Variants in AP2M1 observed in about 807,000 individuals in gnomAD.
AP2M1 encodes the protein AP-2 complex subunit mu.
A neutral mutation model predicts 54.5 loss-of-function variants in AP2M1; 5 were observed. The ratio of observed to expected loss-of-function variants is 0.09; its 90% CI spans 0.05 to 0.19. The LOEUF is 0.19. Ranked by LOEUF, AP2M1 falls within the 10% of genes least tolerant of loss-of-function variation. AP2M1 has a pLI of 1.00. For synonymous variants in AP2M1, 186 were observed against 208.2 expected (o/e 0.89, Z 0.92); for missense variants, 178 against 580.2 (o/e 0.31, Z 7.12).
rs750144318 is a variant in AP2M1 at position 184,183,451 on chromosome 3, G to C, written c.1174-31G>C. On this transcript the variant is annotated intron_variant, in intron 11 of 11. Transcript: ENST00000292807. This position sits in a 1 kb window ranked among gnomAD's most constrained non-coding sequence, Gnocchi z 5.7. ...AGAGGAGAGCGGCTGTAAGAGGAAG[G>C]CCACATTTCTAACTAGCTCTCCTTG... The C allele has an allele frequency of 1.2e-6, 2 of 1,613,414 alleles. No homozygotes were observed. Among genetic ancestry groups the C allele is most frequent in the Non-Finnish European group, 1.7e-6 (2 of 1,179,756 alleles).
In AP2M1 at chr3:184,183,660, A is replaced by G; in HGVS notation, c.*44A>G. On this transcript the variant is annotated 3_prime_UTR_variant, in exon 12 of 12. Coordinates refer to ENST00000292807, the MANE Select transcript of AP2M1 (RefSeq NM_004068.4). This position sits in a 1 kb window ranked among gnomAD's most constrained non-coding sequence, Gnocchi z 5.7. ...CCCACCTCCCCAGCCACCCTCCTCC[A>G]CAGGTCCAGGTGCCGCTCCCTCCCC... The G allele has an allele frequency of 6.2e-7, 1 of 1,604,484 alleles. No individual in the cohort carries two copies.
In AP2M1 at chr3:184,179,128, G is replaced by C; in HGVS notation, c.340+6G>C. On this transcript the variant is annotated splice_donor_region_variant and intron_variant, in intron 3 of 11. Transcript: ENST00000292807. ...CATATATGAGCTGCTGGATGGTGAG[G>C]CTGGCGGGCTGGCACGGCAGCGGGC... 6.2e-7 allele frequency: 1 copy of C among 1,610,106 alleles called. No homozygotes were observed. Among genetic ancestry groups the C allele is most frequent in the South Asian group, 1.1e-5 (1 of 91,010 alleles).
chr3:184,178,754 C>T lies in AP2M1; in HGVS notation c.75-103C>T, dbSNP rs1715170129. ...CTTTCTTTGGAGTGTGTGTGTCAGA[C>T]TTCTGCAGAAAGGAGGGTGGGGCTG... On this transcript the variant is annotated intron_variant, in intron 2 of 11. Coordinates refer to ENST00000292807, the MANE Select transcript of AP2M1 (RefSeq NM_004068.4). The surrounding 1 kb of genome is among the most constrained non-coding windows in gnomAD (Gnocchi z 4.9). The T allele has an allele frequency of 3.5e-6, 5 of 1,426,846 alleles. No homozygotes were observed. Among genetic ancestry groups the T allele is most frequent in the Non-Finnish European group, 4.8e-6 (5 of 1,046,228 alleles). 88.4% of individuals were successfully genotyped at this position (1,426,846 alleles called of 1,614,324 possible). A position where few individuals can be genotyped will look rare whatever the true frequency, so the allele number is the denominator to read the frequency against.
Position 184,182,306 on chromosome 3 carries a change from T to C in AP2M1, c.1061+58T>C. On this transcript the variant is annotated intron_variant, in intron 10 of 11. Transcript: ENST00000292807. This position sits in a 1 kb window ranked among gnomAD's most constrained non-coding sequence, Gnocchi z 5.5. ...CTCAAGATCCCAGTATACCCTCTTG[T>C]TTTCAGCTTTGATCCTTCTGAATGA... 1 of 1,554,592 alleles carries C rather than the reference T, an allele frequency of 6.4e-7. No individual in the cohort carries two copies. Among genetic ancestry groups the C allele is most frequent in the Non-Finnish European group, 8.7e-7 (1 of 1,143,310 alleles).
Position 184,183,068 on chromosome 3 carries a change from T to G in AP2M1, c.1173+200T>G, listed in dbSNP as rs1478016551. 73 of 639,902 alleles carry G rather than the reference T, an allele frequency of 1.1e-4. No individual in the cohort carries two copies. Among genetic ancestry groups the G allele is most frequent in the Non-Finnish European group, 3.1e-5 (11 of 352,938 alleles). 39.6% of individuals were successfully genotyped at this position (639,902 alleles called of 1,614,324 possible). A position where few individuals can be genotyped will look rare whatever the true frequency, so the allele number is the denominator to read the frequency against. On this transcript the variant is annotated intron_variant, in intron 11 of 11. Coordinates refer to ENST00000292807, the MANE Select transcript of AP2M1 (RefSeq NM_004068.4). The surrounding 1 kb of genome is among the most constrained non-coding windows in gnomAD (Gnocchi z 5.7). ...TTTGTGATGAGGCAAATCTTTTACTTCTCTCGGCTTGTCCTAACACAGTTC... is the reference window on the plus strand; with the variant it reads ...TTTGTGATGAGGCAAATCTTTTACTGCTCTCGGCTTGTCCTAACACAGTTC...
At position 184,179,091 on chromosome 3, in the gene AP2M1, C is replaced by T; in HGVS notation, c.309C>T (p.Asn103=). 1 of 1,613,988 alleles carries T rather than the reference C, an allele frequency of 6.2e-7. No homozygotes were observed. The highest frequency in any genetic ancestry group is 8.5e-7 in the Non-Finnish European group (1 of 1,179,976). Residue 103 remains asparagine (N), a synonymous_variant, in exon 3 of 12, where the codon AAC becomes AAT. Transcript: ENST00000292807. ...AGATCAGCGAGGAAAACATCAAGAA[C>T]AATTTTGTGCTCATATATGAGCTGC... is the stretch of plus-strand genomic sequence containing the variant. ...FGKISEENIK[N]NFVLIYELLD...
chr3:184,178,292 T>C lies in AP2M1; in HGVS notation c.75-565T>C, dbSNP rs1406751790. Reference sequence around the variant, plus strand: ...GGCCTGCCCCCATCGTTTTCCTGCATCCTTTTTCATTCCCTCAACTTGCTC... The same window carrying C: ...GGCCTGCCCCCATCGTTTTCCTGCACCCTTTTTCATTCCCTCAACTTGCTC... On this transcript the variant is annotated intron_variant, in intron 2 of 11. Coordinates refer to ENST00000292807, the MANE Select transcript of AP2M1 (RefSeq NM_004068.4). This position sits in a 1 kb window ranked among gnomAD's most constrained non-coding sequence, Gnocchi z 4.9. The C allele has an allele frequency of 6.7e-7, 1 of 1,495,458 alleles. No homozygotes were observed. The highest frequency in any genetic ancestry group is 1.4e-5 in the African/African-American group (1 of 72,112). The allele number at this position is 1,495,458 out of a possible 1,614,324, so 92.6% of individuals were successfully genotyped here.
intron 2 of AP2M1, 149 bp downstream of exon 2, chr3:184,177,216 C>T (rs1715102922): frequency 1.2e-6 from 1 of 818,648 alleles, no homozygotes; most frequent in Non-Finnish European, 1.9e-6. Context: ...TAGCCTGGCT[C>T]CCATTAGGTC....
chr3:184,183,471 T>C lies in AP2M1; in HGVS notation c.1174-11T>C. 6.2e-7 allele frequency: 1 copy of C among 1,614,092 alleles called. No homozygotes were observed. Among genetic ancestry groups the C allele is most frequent in the Non-Finnish European group, 8.5e-7 (1 of 1,180,014 alleles). On this transcript the variant is annotated splice_polypyrimidine_tract_variant and intron_variant, in intron 11 of 11. Transcript: ENST00000292807. The surrounding 1 kb of genome is among the most constrained non-coding windows in gnomAD (Gnocchi z 5.7). Reference sequence around the variant, plus strand: ...GGAAGGCCACATTTCTAACTAGCTCTCCTTGCCCAGGTGCCATTCGCGCCC... The same window carrying C: ...GGAAGGCCACATTTCTAACTAGCTCCCCTTGCCCAGGTGCCATTCGCGCCC...
Position 184,177,029 on chromosome 3 carries a change from G to A in AP2M1, c.36G>A (p.Gly12=), listed in dbSNP as rs1322170364. The A allele has an allele frequency of 3.1e-6, 5 of 1,613,920 alleles. No individual in the cohort carries two copies. The highest frequency in any genetic ancestry group is 2.2e-5 in the East Asian group (1 of 44,868). Reference sequence around the variant, plus strand: ...GCTTATTCATCTATAATCACAAGGGGGAGGTGCTCATCTCCCGAGTCTACC... The same window carrying A: ...GCTTATTCATCTATAATCACAAGGGAGAGGTGCTCATCTCCCGAGTCTACC... The part of the protein sequence containing the change: ...IGGLFIYNHK[G]EVLISRVYRD... Residue 12 remains glycine, a synonymous_variant, in exon 2 of 12, where the codon GGG becomes GGA. Coordinates refer to ENST00000292807, the MANE Select transcript of AP2M1 (RefSeq NM_004068.4).
chr3:184,183,442 A>G lies in AP2M1; in HGVS notation c.1174-40A>G. The G allele has an allele frequency of 6.2e-7, 1 of 1,612,646 alleles. No homozygotes were observed. The highest frequency in any genetic ancestry group is 1.3e-5 in the African/African-American group (1 of 75,022). On this transcript the variant is annotated intron_variant, in intron 11 of 11. Transcript: ENST00000292807. The surrounding 1 kb of genome is among the most constrained non-coding windows in gnomAD (Gnocchi z 5.7). ...GGACTTCCCAGAGGAGAGCGGCTGT[A>G]AGAGGAAGGCCACATTTCTAACTAG...
rs1282982213 is a variant in AP2M1, at chr3:184,183,491, G to A, written c.1183G>A (p.Ala395Thr). The A allele has an allele frequency of 6.2e-7, 1 of 1,614,122 alleles. No homozygotes were observed. Among genetic ancestry groups the A allele is most frequent in the Non-Finnish European group, 8.5e-7 (1 of 1,180,004 alleles). The change falls in exon 12 of 12, where the codon GCG becomes ACG. Residue 395 changes from alanine to threonine, a missense_variant. Transcript: ENST00000292807. This position sits in a 1 kb window ranked among gnomAD's most constrained non-coding sequence, Gnocchi z 5.7. ...AGCTCTCCTTGCCCAGGTGCCATTC[G>A]CGCCCTCTGGCCTCAAGGTGCGCTA... ...PISMNFEVPF[A>T]PSGLKVRYLK...
chr3:184,182,411 T>C lies in AP2M1; in HGVS notation c.1061+163T>C. The stretch of plus-strand genomic sequence containing the variant: ...GTCTTTATACCTCCATGTGAGTATG[T>C]ACACGCCTGCATTTGGGTTCATGCA... On this transcript the variant is annotated intron_variant, in intron 10 of 11. Coordinates refer to ENST00000292807, the MANE Select transcript of AP2M1 (RefSeq NM_004068.4). This position sits in a 1 kb window ranked among gnomAD's most constrained non-coding sequence, Gnocchi z 5.5. 2.8e-6 allele frequency: 2 copies of C among 726,462 alleles called. No individual in the cohort carries two copies. The highest frequency in any genetic ancestry group is 4.5e-6 in the Non-Finnish European group (2 of 448,756). 45.0% of individuals were successfully genotyped at this position (726,462 alleles called of 1,614,324 possible).
chr3:184,181,790 C>T lies in AP2M1; in HGVS notation c.802C>T (p.Pro268Ser). 6.2e-7 allele frequency: 1 copy of T among 1,614,170 alleles called. No homozygotes were observed. Among genetic ancestry groups the T allele is most frequent in the Non-Finnish European group, 8.5e-7 (1 of 1,180,034 alleles). The change falls in exon 8 of 12, where the codon CCA becomes TCA. Residue 268 changes from proline (P) to serine (S), a missense_variant. Coordinates refer to ENST00000292807, the MANE Select transcript of AP2M1 (RefSeq NM_004068.4). The surrounding 1 kb of genome is among the most constrained non-coding windows in gnomAD (Gnocchi z 5.7). The stretch of plus-strand genomic sequence containing the variant: ...TGAACGCAGCATCAGCTTTATCCCG[C>T]CAGATGGAGAGTTTGAGCTTATGAG... ...DSERSISFIPPDGEFELMRYR... is the reference protein window; with the variant it reads ...DSERSISFIPSDGEFELMRYR...
chr3:184,183,348 G>A lies in AP2M1; in HGVS notation c.1174-134G>A, dbSNP rs1380348257. 49 of 1,383,004 alleles carry A rather than the reference G, an allele frequency of 3.5e-5. No homozygotes were observed. Among genetic ancestry groups the A allele is most frequent in the Admixed American group, 4.4e-5 (2 of 45,256 alleles). 85.7% of individuals were successfully genotyped at this position (1,383,004 alleles called of 1,614,324 possible). A position where few individuals can be genotyped will look rare whatever the true frequency, so the allele number is the denominator to read the frequency against. ...GTCACCTCTTAGAAGGTCCCACGCC[G>A]CCCCAGCTTCTTTCAGGACCCCAGC... On this transcript the variant is annotated intron_variant, in intron 11 of 11. Transcript: ENST00000292807. The surrounding 1 kb of genome is among the most constrained non-coding windows in gnomAD (Gnocchi z 5.7).
In AP2M1 at chr3:184,182,351, G is replaced by T; in HGVS notation, c.1061+103G>T. The T allele has an allele frequency of 1.5e-6, 2 of 1,299,486 alleles. No individual in the cohort carries two copies. Among genetic ancestry groups the T allele is most frequent in the Admixed American group, 4.9e-5 (2 of 40,632 alleles). 80.5% of individuals were successfully genotyped at this position (1,299,486 alleles called of 1,614,324 possible). A position where few individuals can be genotyped will look rare whatever the true frequency, so the allele number is the denominator to read the frequency against. Reference sequence around the variant, plus strand: ...GAATGAGGGGCAGGGGAGTGTGCCTGTTTGCTTTTCTAGGAGCCTCTGCTT... The same window carrying T: ...GAATGAGGGGCAGGGGAGTGTGCCTTTTTGCTTTTCTAGGAGCCTCTGCTT... On this transcript the variant is annotated intron_variant, in intron 10 of 11. Coordinates refer to ENST00000292807, the MANE Select transcript of AP2M1 (RefSeq NM_004068.4). The surrounding 1 kb of genome is among the most constrained non-coding windows in gnomAD (Gnocchi z 5.5).
intron 3 of AP2M1, among the ~76,000 whole-genome samples, chr3:184,179,657 C>CTTT (rs1715204456): frequency 8.9e-6 from 1 of 112,140 alleles, no homozygotes; most frequent in Non-Finnish European, 1.9e-5. Flanking sequence ...CTATTGATTT[C>CTTT]TTTTCTTTTT....
rs1347499734 is a variant in AP2M1, at chr3:184,180,894, A to G, written c.475A>G (p.Ile159Val). 6.2e-7 allele frequency: 1 copy of G among 1,614,098 alleles called. No homozygotes were observed. The highest frequency in any genetic ancestry group is 8.5e-7 in the Non-Finnish European group (1 of 1,180,058). Reference sequence around the variant, plus strand: ...GATCACCAGCCAGGTAACTGGGCAGATTGGCTGGCGGCGAGAGGGTATCAA... The same window carrying G: ...GATCACCAGCCAGGTAACTGGGCAGGTTGGCTGGCGGCGAGAGGGTATCAA... ...SQITSQVTGQ[I>V]GWRREGIKYR... The change falls in exon 6 of 12, where the codon ATT becomes GTT. Residue 159 changes from isoleucine to valine, a missense_variant. Coordinates refer to ENST00000292807, the MANE Select transcript of AP2M1 (RefSeq NM_004068.4). This position sits in a 1 kb window ranked among gnomAD's most constrained non-coding sequence, Gnocchi z 4.9.
chr3:184,179,393 C>T (rs899064588), intron 3 of AP2M1: 1 of 462,430 alleles, frequency 2.2e-6, no homozygotes, highest in Admixed American at 3.6e-5. Flanking sequence ...GCTGAACCTC[C>T]TGTATTCATC....
Sources: gnomAD v4.1 joint callset for allele counts (sites outside exome capture counted in the v4.1 genomes callset) on GRCh38, gnomAD v4.1.1 for gene constraint, Gnocchi (gnomAD v3.1) non-coding constraint, MANE v1.5 for transcripts, NCBI Gene and HGNC (gene_info 2026-07-23, HGNC 2026-07-21) for gene names.